Variants in RORB observed in about 807,000 individuals in gnomAD.
RORB encodes nuclear receptor ROR-beta.
In RORB, 6 loss-of-function variants were observed where a neutral mutation model predicts 59.1. That is an observed-to-expected ratio of 0.10 (90% CI 0.06 to 0.20). The LOEUF (loss-of-function observed/expected upper bound fraction) is 0.20. Among genes scored for constraint, RORB ranks in the 10% least tolerant of loss-of-function variants. RORB has a pLI of 1.00. For missense variants in RORB, 320 were observed against 560.5 expected (o/e 0.57, Z 4.33); for synonymous variants, 215 against 204.5 (o/e 1.05, Z -0.44).
intron 1 of RORB, among the ~76,000 whole-genome samples, chr9:74,561,151 G>A (rs539204594): frequency 3.3e-5 from 5 of 152,200 alleles, no homozygotes; most frequent in African/African-American, 1.2e-4. Context: ...TCAAATTATA[G>A]GAGTGGAAAT....
intron 3 of RORB, among the ~76,000 whole-genome samples, chr9:74,635,812 T>C (rs1823691828): frequency 2.0e-5 from 3 of 152,138 alleles, no homozygotes; most frequent in South Asian, 2.1e-4. Flanking sequence ...ACAAGAAACT[T>C]CCAAATTTTA....
intron 1 of RORB, among the ~76,000 whole-genome samples, chr9:74,509,315 T>C (rs543881883): frequency 1.3e-5 from 2 of 152,242 alleles, no homozygotes; most frequent in Admixed American, 1.3e-4. Flanking sequence ...TTTTTATCTT[T>C]CCATAATTAT....
At chr9:74,665,456 ATTTTAT>A (rs764429935) in intron 6 of RORB, 26 bp from the exon 7 acceptor site, 14 of 1,356,002 alleles carry the variant, frequency 1.0e-5, no homozygotes, top group African/African-American at 5.9e-5. Flanking sequence ...GTGTATTTTT[ATTTTAT>A]TTTTATTTTT....
intron 1 of RORB, among the ~76,000 whole-genome samples, chr9:74,601,593 A>G (rs1360133414): frequency 6.6e-6 from 1 of 152,170 alleles, no homozygotes; most frequent in Non-Finnish European, 1.5e-5. Flanking sequence ...AAAAAAGATT[A>G]CTACTCAATT....
At chr9:74,675,402 T>C (rs1184703913) in intron 9 of RORB, among the ~76,000 whole-genome samples, 1 of 151,944 alleles carries the variant, frequency 6.6e-6, no homozygotes, top group Non-Finnish European at 1.5e-5. Flanking sequence ...TTCTCTGGGC[T>C]TCACTTTTCT....
intron 1 of RORB, among the ~76,000 whole-genome samples, chr9:74,522,794 AT>A (rs1826101604): frequency 6.6e-6 from 1 of 151,884 alleles, no homozygotes; most frequent in African/African-American, 2.4e-5. Flanking sequence ...CTGTACCCAG[AT>A]AATCAACCAA....
intron 1 of RORB, among the ~76,000 whole-genome samples, chr9:74,521,767 T>C (rs1826088859): frequency 6.6e-6 from 1 of 151,832 alleles, no homozygotes; most frequent in Non-Finnish European, 1.5e-5. Context: ...CTGAATACAG[T>C]ACCTGTCACG....
intron 1 of RORB, among the ~76,000 whole-genome samples, chr9:74,553,558 T>C (rs2118171591): frequency 6.8e-6 from 1 of 147,628 alleles, no homozygotes; most frequent in Admixed American, 6.8e-5. Context: ...GTGAAATTTA[T>C]GTCAAAAATG....
At chr9:74,670,459 C>T (rs769262570) in intron 8 of RORB, among the ~76,000 whole-genome samples, 10 of 152,136 alleles carry the variant, frequency 6.6e-5, no homozygotes, top group Non-Finnish European at 1.2e-4. Flanking sequence ...TAGCCTCTTC[C>T]TTCTGAACTA....
chr9:74,534,288 T>C (rs1826289725), intron 1 of RORB, among the ~76,000 whole-genome samples: 1 of 152,020 alleles, frequency 6.6e-6, no homozygotes, highest in Admixed American at 6.6e-5. Flanking sequence ...TAGTTAACTA[T>C]GATTGATAAT....
chr9:74,588,560 T>G (rs1025127820), intron 1 of RORB, among the ~76,000 whole-genome samples: 1 of 152,206 alleles, frequency 6.6e-6, no homozygotes, highest in Admixed American at 6.5e-5. Flanking sequence ...GGTGTAATAT[T>G]ATTATAGATC....
intron 4 of RORB, among the ~76,000 whole-genome samples, chr9:74,643,848 T>C (rs928502553): frequency 3.3e-5 from 5 of 152,218 alleles, no homozygotes; most frequent in African/African-American, 1.2e-4. Flanking sequence ...GTTTAAATCC[T>C]GGCTCTTTGG....
intron 1 of RORB, among the ~76,000 whole-genome samples, chr9:74,601,091 T>A (rs1460688753): frequency 6.6e-6 from 1 of 152,244 alleles, no homozygotes; most frequent in African/African-American, 2.4e-5. Flanking sequence ...ATAGGCATGC[T>A]CATGCAATGT....
rs541977962 is a variant in RORB at position 74,668,095 on chromosome 9, G to A, written c.1111+194G>A. 1.7e-4 allele frequency among the ~76,000 whole-genome samples: 26 copies of A among 152,274 alleles called. No individual in the cohort carries two copies. The East Asian group carries it at 4.1e-3, about 24-fold the overall frequency. On this transcript the variant is annotated intron_variant, in intron 8 of 9. Coordinates refer to ENST00000376896, the MANE Select transcript of RORB (RefSeq NM_006914.4). ...TTATTAAAATGACCAATTTTGGCCC[G>A]AAAGCAAGAGTAGAGCATAGGTTAG...
At chr9:74,682,300 G>A (rs1401320355) in intron 9 of RORB, among the ~76,000 whole-genome samples, 1 of 122,378 alleles carries the variant, frequency 8.2e-6, no homozygotes, top group African/African-American at 3.0e-5. Context: ...GGGGGAGGGG[G>A]GAGGGATAGC....
chr9:74,550,444 T>C (rs1432140343), intron 1 of RORB, among the ~76,000 whole-genome samples: 1 of 152,222 alleles, frequency 6.6e-6, no homozygotes, highest in Non-Finnish European at 1.5e-5. Context: ...CTTGGGTAAC[T>C]GTAAGCTTTG....
At chr9:74,627,891 T>A (rs1181202077) in intron 1 of RORB, among the ~76,000 whole-genome samples, 1 of 152,184 alleles carries the variant, frequency 6.6e-6, no homozygotes, top group Non-Finnish European at 1.5e-5. Flanking sequence ...ATAATGTGGC[T>A]TGTCATATTT....
intron 5 of RORB, among the ~76,000 whole-genome samples, chr9:74,662,246 T>C (rs1824199798): frequency 1.3e-5 from 2 of 152,188 alleles, no homozygotes; most frequent in South Asian, 4.1e-4. Flanking sequence ...TTGCTATTAT[T>C]TTAGCCTCAG....
At chr9:74,606,531 T>C (rs532551033) in intron 1 of RORB, among the ~76,000 whole-genome samples, 1 of 152,230 alleles carries the variant, frequency 6.6e-6, no homozygotes, top group African/African-American at 2.4e-5. Context: ...GTAAGATACT[T>C]CAGGGACAAA....
Sources: allele counts gnomAD v4.1 joint callset (sites outside exome capture counted in the v4.1 genomes callset), GRCh38; gene constraint gnomAD v4.1.1; transcripts MANE v1.5; gene names NCBI Gene and HGNC (gene_info 2026-07-23, HGNC 2026-07-21).